Variants in SEMA6D observed in about 807,000 individuals in gnomAD.
SEMA6D encodes the protein semaphorin-6D.
SEMA6D carries 35 observed loss-of-function variants against 106.6 expected under a neutral mutation model. The observed-to-expected ratio is 0.33, with a 90% CI of 0.25 to 0.44. The LOEUF (loss-of-function observed/expected upper bound fraction) is 0.44. SEMA6D is among the 20% of genes least tolerant of loss of function. The pLI, the probability that SEMA6D is intolerant of heterozygous loss-of-function variation, is 1.00. For missense variants in SEMA6D, 1,185 were observed against 1,345.9 expected (o/e 0.88, Z 1.87); for synonymous variants, 499 against 487.7 (o/e 1.02, Z -0.31).
rs1356273748 is a variant in SEMA6D, at chr15:47,278,986, C to T, written c.-239+94568C>T. Among the ~76,000 whole-genome samples the T allele has an allele frequency of 7.3e-3, 1,042 of 143,020 alleles. 7 individuals are homozygous for T. The highest frequency in any genetic ancestry group is 0.026 in the African/African-American group (970 of 37,330). 93.8% of individuals were successfully genotyped at this position (143,020 alleles called of 152,430 possible). ...CCATTGATCTCTATCTCTGTTTTGG[C>T]ACCAGTACCATGCTGTTTTGGTTAC... is the stretch of plus-strand genomic sequence containing the variant. On this transcript the variant is annotated intron_variant, in intron 1 of 19. Coordinates refer to the SEMA6D transcript ENST00000558014.
At chr15:47,544,735 G>C (rs1044646861) in intron 3 of SEMA6D, among the ~76,000 whole-genome samples, 2 of 148,630 alleles carry the variant, frequency 1.3e-5, no homozygotes, top group Non-Finnish European at 3.0e-5. Context: ...TGTGGCTCTG[G>C]GAACATAGAA....
chr15:47,759,393 AT>A (rs1302906389), intron 1 of SEMA6D, among the ~76,000 whole-genome samples: 1 of 152,134 alleles, frequency 6.6e-6, no homozygotes, highest in Non-Finnish European at 1.5e-5. Flanking sequence ...AGGGAAGAGG[AT>A]TGGAATTTAA....
At chr15:47,240,600 C>G (rs1011244480) in intron 1 of SEMA6D, among the ~76,000 whole-genome samples, 7 of 152,066 alleles carry the variant, frequency 4.6e-5, no homozygotes, top group Non-Finnish European at 8.8e-5. Context: ...ATTTTTGCAT[C>G]TTGATATCTT....
chr15:47,590,352 G>A (rs527454994), intron 3 of SEMA6D, among the ~76,000 whole-genome samples: 23 of 150,890 alleles, frequency 1.5e-4, no homozygotes, highest in African/African-American at 5.1e-4. Flanking sequence ...GACACAGGGC[G>A]GGGAACATCA....
At chr15:47,745,808 A>G (rs2081095571) in intron 1 of SEMA6D, among the ~76,000 whole-genome samples, 1 of 152,228 alleles carries the variant, frequency 6.6e-6, no homozygotes, top group African/African-American at 2.4e-5. Context: ...ATCAAATGGA[A>G]CCTAACTTAC....
intron 3 of SEMA6D, among the ~76,000 whole-genome samples, chr15:47,511,890 G>A (rs898339219): frequency 1.3e-5 from 2 of 152,122 alleles, no homozygotes; most frequent in Admixed American, 6.5e-5. Flanking sequence ...GCACTGCATC[G>A]TTTAGGATTT....
chr15:47,607,572 G>T (rs925058577), intron 4 of SEMA6D, among the ~76,000 whole-genome samples: 1 of 152,216 alleles, frequency 6.6e-6, no homozygotes, highest in Non-Finnish European at 1.5e-5. Flanking sequence ...TTGAGAAGGA[G>T]AGCATTATTG....
At chr15:47,384,444 T>A (rs1469378627) in intron 1 of SEMA6D, among the ~76,000 whole-genome samples, 1 of 152,220 alleles carries the variant, frequency 6.6e-6, no homozygotes, top group Non-Finnish European at 1.5e-5. Context: ...TTTGAAAGGA[T>A]TTCTCGGCAA....
intron 4 of SEMA6D, among the ~76,000 whole-genome samples, chr15:47,703,857 A>G (rs1198095842): frequency 1.3e-5 from 2 of 152,198 alleles, no homozygotes; most frequent in Non-Finnish European, 2.9e-5. Flanking sequence ...AAGTTTTACA[A>G]GGCTTCAGAT....
At chr15:47,729,736 C>A (rs913955189) in intron 1 of SEMA6D, among the ~76,000 whole-genome samples, 5 of 152,242 alleles carry the variant, frequency 3.3e-5, no homozygotes, top group Non-Finnish European at 5.9e-5. Flanking sequence ...CTCCCTCACT[C>A]TCTTACCCAT....
intron 1 of SEMA6D, among the ~76,000 whole-genome samples, chr15:47,728,805 T>A (rs2079931966): frequency 6.6e-6 from 1 of 152,242 alleles, no homozygotes; most frequent in Non-Finnish European, 1.5e-5. Flanking sequence ...CCAGCAATCC[T>A]ATGACTGAGA....
chr15:47,449,261 T>A (rs2042117113), intron 2 of SEMA6D, among the ~76,000 whole-genome samples: 1 of 151,992 alleles, frequency 6.6e-6, no homozygotes, highest in Non-Finnish European at 1.5e-5. Flanking sequence ...AGCTTAAGAG[T>A]TGAAAATAAA....
At chr15:47,582,790 A>G (rs1159914088) in intron 3 of SEMA6D, among the ~76,000 whole-genome samples, 1 of 149,974 alleles carries the variant, frequency 6.7e-6, no homozygotes, top group Non-Finnish European at 1.5e-5. Flanking sequence ...TCTCAAGGGC[A>G]GCGCAAGATC....
chr15:47,428,002 A>C (rs561301534), intron 2 of SEMA6D, among the ~76,000 whole-genome samples: 1 of 152,288 alleles, frequency 6.6e-6, no homozygotes, highest in African/African-American at 2.4e-5. Flanking sequence ...TCTTTCAGAC[A>C]AATTACTTTG....
At position 47,414,874 on chromosome 15, in the gene SEMA6D, G is replaced by T. The variant is rs571791373; in HGVS notation, c.-159+2402G>T. Among the ~76,000 whole-genome samples, 11 of 152,252 alleles carry T rather than the reference G, an allele frequency of 7.2e-5. No homozygotes were observed. The South Asian group carries it at 2.3e-3, about 32-fold the overall frequency. On this transcript the variant is annotated intron_variant, in intron 2 of 19. Transcript: ENST00000558014. ...TAATCCTAAAACCATACCTGATTTT[G>T]CTGGATAGGATTTTTCTTCTTTTGT... is the stretch of plus-strand genomic sequence containing the variant.
At chr15:47,412,123 A>G (rs570669657) in intron 1 of SEMA6D, among the ~76,000 whole-genome samples, 37 of 152,100 alleles carry the variant, frequency 2.4e-4, no homozygotes, top group African/African-American at 7.7e-4. Flanking sequence ...GCAGTGTACC[A>G]TTATTTGTCC....
At chr15:47,739,518 G>A (rs2080666003) in intron 1 of SEMA6D, among the ~76,000 whole-genome samples, 1 of 152,260 alleles carries the variant, frequency 6.6e-6, no homozygotes, top group Admixed American at 6.5e-5. Context: ...ATAGGTTTTA[G>A]TGGTGGGTCT....
intron 4 of SEMA6D, among the ~76,000 whole-genome samples, chr15:47,625,372 A>G (rs2077182998): frequency 6.6e-6 from 1 of 152,218 alleles, no homozygotes; most frequent in South Asian, 2.1e-4. Flanking sequence ...ATCATCTGCC[A>G]TGTGTGGTTT....
intron 3 of SEMA6D, among the ~76,000 whole-genome samples, chr15:47,517,692 C>T (rs1034478931): frequency 6.6e-6 from 1 of 152,082 alleles, no homozygotes; most frequent in African/African-American, 2.4e-5. Flanking sequence ...TGCTGTATTT[C>T]CTTCATGCCA....
Sources: allele counts gnomAD v4.1 joint callset (sites outside exome capture counted in the v4.1 genomes callset), GRCh38; gene constraint gnomAD v4.1.1; transcripts MANE v1.5; gene names NCBI Gene and HGNC (gene_info 2026-07-23, HGNC 2026-07-21).